Variants in FGD5 observed in about 807,000 individuals in gnomAD.
FGD5 encodes the protein FYVE, RhoGEF and PH domain-containing protein 5.
A neutral mutation model predicts 133.4 loss-of-function variants in FGD5; 28 were observed. The ratio of observed to expected loss-of-function variants is 0.21; its 90% confidence interval spans 0.16 to 0.29. FGD5 has a LOEUF of 0.29. FGD5 is among the 10% of genes least tolerant of loss of function. The pLI, the probability that FGD5 is intolerant of heterozygous loss-of-function variation, is 1.00. For missense variants in FGD5, 1,858 were observed against 1,895.2 expected (o/e 0.98, Z 0.36); for synonymous variants, 810 against 776.5 (o/e 1.04, Z -0.72).
Position 14,917,870 on chromosome 3 carries a change from T to C in FGD5, c.3489+538T>C, listed in dbSNP as rs535826904. Among the ~76,000 whole-genome samples the C allele has an allele frequency of 3.3e-5, 5 of 152,172 alleles. No homozygotes were observed. Among genetic ancestry groups the C allele is most frequent in the Admixed American group, 6.5e-5 (1 of 15,284 alleles). On this transcript the variant is annotated intron_variant, in intron 12 of 19. Coordinates refer to ENST00000285046, the MANE Select transcript of FGD5 (RefSeq NM_152536.4). This position sits in a 1 kb window ranked among gnomAD's most constrained non-coding sequence, Gnocchi z 4.1. ...GCCCCTGGCACCTACCATTCTACTT[T>C]CTATGTCCATGAATTTGACTACTAT...
At chr3:14,878,767 C>A (rs1166031152) in intron 2 of FGD5, among the ~76,000 whole-genome samples, 3 of 150,968 alleles carry the variant, frequency 2.0e-5, no homozygotes, top group African/African-American at 7.3e-5. Flanking sequence ...ACACTGTCGC[C>A]CAGGCTGGAG....
intron 1 of FGD5, among the ~76,000 whole-genome samples, chr3:14,840,207 C>T (rs774801245): frequency 4.6e-5 from 7 of 151,404 alleles, no homozygotes; most frequent in South Asian, 2.1e-4. Flanking sequence ...TGCAGTGGTG[C>T]GATCTCAGCT....
intron 9 of FGD5, among the ~76,000 whole-genome samples, chr3:14,903,104 C>T (rs114719263): frequency 0.016 from 2,435 of 152,282 alleles, 30 homozygotes; most frequent in Non-Finnish European, 0.02. Flanking sequence ...TACATTCACA[C>T]TGTCATGCAG....
intron 9 of FGD5, among the ~76,000 whole-genome samples, chr3:14,904,360 A>C (rs966051293): frequency 6.6e-6 from 1 of 152,134 alleles, no homozygotes; most frequent in African/African-American, 2.4e-5. Flanking sequence ...ATATATAAAG[A>C]AGTCATTTAT....
At chr3:14,843,752 G>A (rs913555723) in intron 1 of FGD5, among the ~76,000 whole-genome samples, 10 of 148,520 alleles carry the variant, frequency 6.7e-5, no homozygotes, top group South Asian at 2.2e-4. Context: ...GTGCAGTGGC[G>A]TGATCTCGGC....
intron 1 of FGD5, among the ~76,000 whole-genome samples, chr3:14,812,309 A>G (rs2036307440): frequency 6.6e-6 from 1 of 152,166 alleles, no homozygotes; most frequent in South Asian, 2.1e-4. Flanking sequence ...ACTGCTTGGA[A>G]AGGGGGTTGC....
chr3:14,899,839 A>G (rs1351268672), intron 7 of FGD5, among the ~76,000 whole-genome samples: 4 of 152,238 alleles, frequency 2.6e-5, no homozygotes, highest in African/African-American at 7.2e-5. Context: ...AGGAGGCGGC[A>G]TTGGACAGAG....
At position 14,926,033 on chromosome 3, in the gene FGD5, C is replaced by T. The variant is rs779824772; in HGVS notation, c.4069-37C>T. 1.7e-5 allele frequency: 27 copies of T among 1,610,566 alleles called. No homozygotes were observed. The South Asian group carries it at 2.8e-4, about 16-fold the overall frequency. ...GCTCTGTTTGAACTGTGCCTGACCA[C>T]CGGGGTGGGCTGACCGCTCTGCTTC... On this transcript the variant is annotated intron_variant, in intron 17 of 19. Coordinates refer to ENST00000285046, the MANE Select transcript of FGD5 (RefSeq NM_152536.4).
chr3:14,855,446 G>A (rs775644908), intron 1 of FGD5, among the ~76,000 whole-genome samples: 8 of 152,142 alleles, frequency 5.3e-5, no homozygotes, highest in South Asian at 2.1e-4. Context: ...GTTCTCCATA[G>A]TGGCTCTACT....
chr3:14,884,223 C>T (rs781283940), intron 4 of FGD5, among the ~76,000 whole-genome samples: 2 of 152,194 alleles, frequency 1.3e-5, no homozygotes, highest in African/African-American at 2.4e-5. Context: ...AAACAAGTCT[C>T]TCCTAGAGGA....
chr3:14,906,242 CA>C (rs1209816760), intron 9 of FGD5, among the ~76,000 whole-genome samples: 1 of 152,226 alleles, frequency 6.6e-6, no homozygotes, highest in African/African-American at 2.4e-5. Flanking sequence ...CACATGCCTA[CA>C]TCTGAAGCAG....
intron 1 of FGD5, among the ~76,000 whole-genome samples, chr3:14,859,484 G>C (rs571677861): frequency 6.6e-6 from 1 of 152,160 alleles, no homozygotes; most frequent in Admixed American, 6.5e-5. Context: ...CTTGAACCTA[G>C]AAAGCAGAGG....
rs371552557 is a variant in FGD5, at chr3:14,910,941, G to A, written c.3405+12G>A. ...GGCACCTATTTCTGGTAAGTGCCCGGTCCCCAAGCCCAGCTCAGGAACTGC... is the reference window on the plus strand; with the variant it reads ...GGCACCTATTTCTGGTAAGTGCCCGATCCCCAAGCCCAGCTCAGGAACTGC... On this transcript the variant is annotated intron_variant, in intron 11 of 19. Coordinates refer to ENST00000285046, the MANE Select transcript of FGD5 (RefSeq NM_152536.4). The A allele has an allele frequency of 3.7e-6, 6 of 1,608,878 alleles. No individual in the cohort carries two copies. Among genetic ancestry groups the A allele is most frequent in the Non-Finnish European group, 5.1e-6 (6 of 1,177,580 alleles).
At chr3:14,895,769 A>C (rs978431369) in intron 4 of FGD5, among the ~76,000 whole-genome samples, 1 of 152,074 alleles carries the variant, frequency 6.6e-6, no homozygotes, top group East Asian at 1.9e-4. Context: ...GGGTTTTGCC[A>C]TGTTGCCTAG....
In FGD5 at chr3:14,840,302, G is replaced by A. The variant is rs941145330; in HGVS notation, c.2525+18706G>A. On this transcript the variant is annotated intron_variant, in intron 1 of 19. Coordinates refer to ENST00000285046, the MANE Select transcript of FGD5 (RefSeq NM_152536.4). ...TGGGATTACAGGCGTGTGCCACCAC[G>A]CCAGGCTAATATTTGTATTTTTAGT... Among the ~76,000 whole-genome samples the A allele has an allele frequency of 6.6e-5, 10 of 152,144 alleles. No individual in the cohort carries two copies. In the East Asian group the frequency reaches 1.7e-3, roughly 27 times the overall value.
Position 14,820,379 on chromosome 3 carries a change from G to T in FGD5, c.1308G>T (p.Leu436=), listed in dbSNP as rs776109697. 1.2e-5 allele frequency: 20 copies of T among 1,613,830 alleles called. 1 individual carries two copies. The South Asian group carries it at 2.2e-4, about 18-fold the overall frequency. The change falls in exon 1 of 20, where the codon CTG becomes CTT. Residue 436 remains leucine (L), a synonymous_variant. Transcript: ENST00000285046. ...ACCCCTATGTGATGGGAGTGGGCCT[G>T]CCCGGTCAGGCGGCCCCTGGAGAAG... ...LANPYVMGVG[L]PGQAAPGEGG...
intron 1 of FGD5, among the ~76,000 whole-genome samples, chr3:14,863,859 C>T (rs775949558): frequency 4.6e-5 from 7 of 152,194 alleles, no homozygotes; most frequent in East Asian, 1.9e-4. Context: ...CTGAGTTATT[C>T]GGGCCTTCCT....
At chr3:14,908,487 A>AC (rs34267876) in intron 10 of FGD5, among the ~76,000 whole-genome samples, 2,743 of 152,310 alleles carry the variant, frequency 0.018, 39 homozygotes, top group Non-Finnish European at 0.03. Flanking sequence ...AGTCTTGAGC[A>AC]CCATGATCCC....
chr3:14,820,791 C>T lies in FGD5; in HGVS notation c.1720C>T (p.His574Tyr). Reference protein sequence around the residue: ...QEPEGSGLDDHRIKRKEDNLS... With the variant: ...QEPEGSGLDDYRIKRKEDNLS... ...GCCTGAGGGGTCAGGGTTGGATGAC[C>T]ACAGGATAAAGAGGAAAGAGGACAA... is the stretch of plus-strand genomic sequence containing the variant. Residue 574 changes from histidine (H) to tyrosine (Y), a missense_variant, in exon 1 of 20, where the codon CAC becomes TAC. By Grantham distance (83) the His-to-Tyr change is moderately conservative. Around this residue, in one of 3 missense-constraint regions of FGD5, gnomAD observed 1,824 missense variants for 1,848.9 expected, o/e 0.99. Coordinates refer to ENST00000285046, the MANE Select transcript of FGD5 (RefSeq NM_152536.4). 1.2e-6 allele frequency: 2 copies of T among 1,613,740 alleles called. No homozygotes were observed. The highest frequency in any genetic ancestry group is 1.3e-5 in the African/African-American group (1 of 74,970).
Sources: gnomAD v4.1 joint callset for allele counts (sites outside exome capture counted in the v4.1 genomes callset) on GRCh38, gnomAD v4.1.1 for gene constraint, gnomAD v4.1.1 regional missense constraint, Gnocchi (gnomAD v3.1) non-coding constraint, MANE v1.5 for transcripts, NCBI Gene and HGNC (gene_info 2026-07-23, HGNC 2026-07-21) for gene names.